CD180: variants seen among roughly 807,000 people sequenced by gnomAD.
CD180 encodes the protein CD180 antigen.
CD180 carries 11 observed loss-of-function variants against 10.7 expected under a neutral mutation model. The ratio of observed to expected loss-of-function variants is 1.03; its 90% CI spans 0.65 to 1.70. The LOEUF is 1.70. CD180 is among the 40% of genes most tolerant of loss of function. The pLI, the probability that CD180 is intolerant of heterozygous loss-of-function variation, is 0.00. For synonymous variants in CD180, 286 were observed against 294.6 expected (o/e 0.97, Z 0.30); for missense variants, 729 against 775.2 (o/e 0.94, Z 0.71).
At chr5:67,191,203 C>G (rs1172844511) in intron 1 of CD180, 1 of 618,720 alleles carries the variant, frequency 1.6e-6, no homozygotes, top group Non-Finnish European at 2.0e-6. Context: ...TTCTGTTTGT[C>G]TGTAAAGTCA....
rs571905840 is a variant in CD180 at position 67,181,077 on chromosome 5, A to C, written c.*1780T>G. ...CACACACATATGGAGAGAGAGAGAG[A>C]GAGTCCTTACTATGTCCCAGGCATG... On this transcript the variant is annotated 3_prime_UTR_variant, in exon 3 of 3. Transcript: ENST00000256447. The C allele has an allele frequency of 1.3e-5, 2 of 151,316 alleles. No individual in the cohort carries two copies. Among genetic ancestry groups the C allele is most frequent in the Admixed American group, 6.6e-5 (1 of 15,170 alleles). 9.4% of individuals were successfully genotyped at this position (151,316 alleles called of 1,614,324 possible). A position where few individuals can be genotyped will look rare whatever the true frequency, so the allele number is the denominator to read the frequency against.
At chr5:67,196,463 G>A (rs995138273) in intron 1 of CD180, 89 bp downstream of exon 1, 63 of 1,216,702 alleles carry the variant, frequency 5.2e-5, no homozygotes, top group Non-Finnish European at 7.4e-5. Context: ...ACTAGATATT[G>A]GGATGCCAAG....
rs767005237 is a variant in CD180, at chr5:67,190,955, C to A, written c.91-4938G>T. On this transcript the variant is annotated intron_variant, in intron 1 of 2. Coordinates refer to ENST00000256447, the MANE Select transcript of CD180 (RefSeq NM_005582.3). ...CTCACCTTTTCGGATTTCTCATCTG[C>A]GCTTGACACACGCAGCAGCCACCTC... 4 of 985,238 alleles carry A rather than the reference C, an allele frequency of 4.1e-6. No individual in the cohort carries two copies. The African/African-American group carries it at 5.2e-5, about 13-fold the overall frequency. The allele number at this position is 985,238 out of a possible 1,614,324, so 61.0% of individuals were successfully genotyped here.
chr5:67,191,597 A>G (rs887125674), intron 1 of CD180, among the ~76,000 whole-genome samples: 2 of 152,212 alleles, frequency 1.3e-5, no homozygotes, highest in African/African-American at 2.4e-5. Flanking sequence ...TAAATATTTC[A>G]AGAGTGCATC....
intron 1 of CD180, among the ~76,000 whole-genome samples, chr5:67,186,541 G>T (rs1049443828): frequency 1.3e-4 from 20 of 152,094 alleles, no homozygotes; most frequent in African/African-American, 3.9e-4. Context: ...GAAGAGCAGG[G>T]ATAAATGTGA....
intron 1 of CD180, among the ~76,000 whole-genome samples, chr5:67,188,175 A>G (rs5744504): frequency 0.014 from 1,742 of 127,952 alleles, 42 homozygotes; most frequent in African/African-American, 0.056. Flanking sequence ...CCTCAAAAAG[A>G]AAAAAAAAAG....
Position 67,183,312 on chromosome 5 carries a change from T to C in CD180, c.1531A>G (p.Ile511Val), listed in dbSNP as rs777893720. 3.1e-6 allele frequency: 5 copies of C among 1,614,038 alleles called. No individual in the cohort carries two copies. In the Admixed American group the frequency reaches 6.7e-5, roughly 22 times the overall value. ...LILSSCGLLSIDQQAFHSLGK... is the reference protein window; with the variant it reads ...LILSSCGLLSVDQQAFHSLGK... Reference sequence around the variant, plus strand: ...AAGCTGTGGAATGCTTGCTGGTCTATAGAGAGGAGACCACAAGAGGACAAA... The same window carrying C: ...AAGCTGTGGAATGCTTGCTGGTCTACAGAGAGGAGACCACAAGAGGACAAA... The change falls in exon 3 of 3, where the codon ATA (isoleucine) becomes GTA (valine). Residue 511 changes from isoleucine to valine, a missense_variant. By Grantham distance (29) the Ile-to-Val change is conservative. Coordinates refer to ENST00000256447, the MANE Select transcript of CD180 (RefSeq NM_005582.3).
intron 1 of CD180, chr5:67,190,879 TG>T (rs200621383): frequency 0.028 from 26,966 of 955,694 alleles, 411 homozygotes; most frequent in Non-Finnish European, 0.031. Context: ...TCCTTGCAAG[TG>T]TTGAAACATT....
chr5:67,183,314 G>A lies in CD180; in HGVS notation c.1529C>T (p.Ser510Phe). 6.2e-7 allele frequency: 1 copy of A among 1,614,166 alleles called. No individual in the cohort carries two copies. The highest frequency in any genetic ancestry group is 8.5e-7 in the Non-Finnish European group (1 of 1,180,020). The change falls in exon 3 of 3, where the codon TCT becomes TTT. Residue 510 changes from serine to phenylalanine, a missense_variant. Ser to Phe is a radical substitution (Grantham distance 155). Transcript: ENST00000256447. The stretch of plus-strand genomic sequence containing the variant: ...GCTGTGGAATGCTTGCTGGTCTATA[G>A]AGAGGAGACCACAAGAGGACAAAAT... Reference protein sequence around the residue: ...VLILSSCGLLSIDQQAFHSLG... With the variant: ...VLILSSCGLLFIDQQAFHSLG...
chr5:67,183,722 G>A lies in CD180; in HGVS notation c.1121C>T (p.Thr374Ile). The A allele has an allele frequency of 6.2e-7, 1 of 1,614,164 alleles. No homozygotes were observed. The highest frequency in any genetic ancestry group is 1.1e-5 in the South Asian group (1 of 91,084). ...TATGTCATTATGGCTTAAATCAAGT[G>A]TCTGAAGGTTTCCTAGTTTCTCCAA... is the stretch of plus-strand genomic sequence containing the variant. ...GCLEKLGNLQTLDLSHNDIEA... is the reference protein window; with the variant it reads ...GCLEKLGNLQILDLSHNDIEA... Residue 374 changes from threonine (T) to isoleucine (I), a missense_variant, in exon 3 of 3, where the codon ACA becomes ATA. Physicochemically the swap from Thr to Ile is moderately conservative, Grantham distance 89 (BLOSUM62 -1). Coordinates refer to ENST00000256447, the MANE Select transcript of CD180 (RefSeq NM_005582.3).
At chr5:67,194,596 T>C (rs1419202175) in intron 1 of CD180, among the ~76,000 whole-genome samples, 1 of 152,248 alleles carries the variant, frequency 6.6e-6, no homozygotes, top group African/African-American at 2.4e-5. Flanking sequence ...GTGATTGATT[T>C]GAGTAATAAC....
chr5:67,196,144 G>A (rs1334085973), intron 1 of CD180, among the ~76,000 whole-genome samples: 1 of 152,184 alleles, frequency 6.6e-6, no homozygotes, highest in Non-Finnish European at 1.5e-5. Flanking sequence ...GCACAGCGCT[G>A]TCTTTACTAA....
rs7723916 is a variant in CD180, at chr5:67,195,024, C to T, written c.90+1528G>A. ...CCAGTGCTCATGCACACAGGAAAGGCCATGAGAGGACACAGAGAGAAGATG... is the reference window on the plus strand; with the variant it reads ...CCAGTGCTCATGCACACAGGAAAGGTCATGAGAGGACACAGAGAGAAGATG... On this transcript the variant is annotated intron_variant, in intron 1 of 2. Coordinates refer to ENST00000256447, the MANE Select transcript of CD180 (RefSeq NM_005582.3). Among the ~76,000 whole-genome samples the T allele has an allele frequency of 3.7e-3, 567 of 152,258 alleles. 4 individuals carry two copies. The highest frequency in any genetic ancestry group is 0.011 in the African/African-American group (472 of 41,552).
At chr5:67,192,159 G>T (rs1021717713) in intron 1 of CD180, among the ~76,000 whole-genome samples, 1 of 152,174 alleles carries the variant, frequency 6.6e-6, no homozygotes, top group African/African-American at 2.4e-5. Flanking sequence ...GGGAGGCCGA[G>T]GTGGGCGGAT....
intron 1 of CD180, 167 bp from the exon 2 acceptor site, chr5:67,186,184 T>C (rs1742191093): frequency 2.3e-6 from 1 of 442,954 alleles, no homozygotes; most frequent in South Asian, 5.5e-5. Flanking sequence ...TTAACTGTAG[T>C]ACTTTTTTTG....
Position 67,190,858 on chromosome 5 carries a change from T to C in CD180, c.91-4841A>G. ...TATATCTAACTCCCTCTCATCCCAC[T>C]GTATTTTCTTTCCTTGCAAGTGTTG... On this transcript the variant is annotated intron_variant, in intron 1 of 2. Coordinates refer to ENST00000256447, the MANE Select transcript of CD180 (RefSeq NM_005582.3). The C allele has an allele frequency of 3.4e-6, 3 of 870,354 alleles. 1 individual carries two copies. Among genetic ancestry groups the C allele is most frequent in the Non-Finnish European group, 4.1e-6 (3 of 724,822 alleles). 53.9% of individuals were successfully genotyped at this position (870,354 alleles called of 1,614,324 possible).
At position 67,184,228 on chromosome 5, in the gene CD180, G is replaced by C; in HGVS notation, c.615C>G (p.Asn205Lys). Reference protein sequence around the residue: ...SLEQAINLSLNFNGNNVKGIE... With the variant: ...SLEQAINLSLKFNGNNVKGIE... ...TACCTTTAACATTATTGCCATTGAA[G>C]TTCAGGCTTAGGTTGATGGCCTGCT... The change falls in exon 3 of 3, where the codon AAC (asparagine) becomes AAG (lysine). Residue 205 changes from asparagine to lysine, a missense_variant. By Grantham distance (94) the Asn-to-Lys change is moderately conservative (BLOSUM62 0). Transcript: ENST00000256447. 6.2e-7 allele frequency: 1 copy of C among 1,614,120 alleles called. No homozygotes were observed. Among genetic ancestry groups the C allele is most frequent in the African/African-American group, 1.3e-5 (1 of 75,044 alleles).
Position 67,196,741 on chromosome 5 carries a change from C to T in CD180, c.-100G>A. ...GCAATTTGGCAGCCAGAGAGGTACT[C>T]AGAAGGGTGATCTTGGAACAAGAAA... On this transcript the variant is annotated 5_prime_UTR_variant, in exon 1 of 3. Coordinates refer to ENST00000256447, the MANE Select transcript of CD180 (RefSeq NM_005582.3). 7.0e-7 allele frequency: 1 copy of T among 1,431,928 alleles called. No homozygotes were observed. Among genetic ancestry groups the T allele is most frequent in the South Asian group, 1.2e-5 (1 of 83,438 alleles). The allele number at this position is 1,431,928 out of a possible 1,614,324, so 88.7% of individuals were successfully genotyped here.
rs1319046039 is a variant in CD180 at position 67,180,026 on chromosome 5, A to C, written c.*2831T>G. 6.6e-5 allele frequency: 10 copies of C among 152,258 alleles called. No individual in the cohort carries two copies. In the East Asian group the frequency reaches 1.9e-3, roughly 29 times the overall value. 9.4% of individuals were successfully genotyped at this position (152,258 alleles called of 1,614,324 possible). A position where few individuals can be genotyped will look rare whatever the true frequency, so the allele number is the denominator to read the frequency against. On this transcript the variant is annotated 3_prime_UTR_variant, in exon 3 of 3. Transcript: ENST00000256447. ...AGAGTCTATCCTAGTAAACAGGTTA[A>C]AGCAATAAAATTGACAGCAGCCATC...
Sources: allele counts gnomAD v4.1 joint callset (sites outside exome capture counted in the v4.1 genomes callset), GRCh38; gene constraint gnomAD v4.1.1; transcripts MANE v1.5; gene names NCBI Gene and HGNC (gene_info 2026-07-23, HGNC 2026-07-21).